CDS2: variants seen among roughly 807,000 people sequenced by gnomAD.
CDS2 encodes phosphatidate cytidylyltransferase 2.
Under a neutral mutation model 59.0 loss-of-function variants are expected in CDS2, and 47 were observed. The observed-to-expected ratio is 0.80, with a 90% CI of 0.63 to 1.02. CDS2 has a LOEUF of 1.02. Among genes scored for constraint, CDS2 ranks in the 50% least tolerant of loss-of-function variants. CDS2 has a pLI of 0.00. For missense variants in CDS2, 356 were observed against 558.9 expected, an observed-to-expected ratio of 0.64 and a Z score of 3.66; for synonymous variants, 207 against 206.4, an observed-to-expected ratio of 1.00 and a Z score of -0.02.
At chr20:5,165,549 T>C (rs1247200285) in intron 1 of CDS2, among the ~76,000 whole-genome samples, 2 of 118,598 alleles carry the variant, frequency 1.7e-5, no homozygotes. Flanking sequence ...CCGTCTTTTT[T>C]TGTTTTTTTG....
Position 5,191,588 on chromosome 20 carries a change from C to T in CDS2, c.*1354C>T, listed in dbSNP as rs1263480124. 6.6e-6 allele frequency: 1 copy of T among 152,180 alleles called. No individual in the cohort carries two copies. Among genetic ancestry groups the T allele is most frequent in the African/African-American group, 2.4e-5 (1 of 41,404 alleles). The allele number at this position is 152,180 out of a possible 1,614,324, so 9.4% of individuals were successfully genotyped here. Reference sequence around the variant, plus strand: ...CCAACGAGGGTGTAATGATTTGCTTCTGCACCTTGGTCTAGTGCTGGTTTG... The same window carrying T: ...CCAACGAGGGTGTAATGATTTGCTTTTGCACCTTGGTCTAGTGCTGGTTTG... On this transcript the variant is annotated 3_prime_UTR_variant, in exon 13 of 13. Transcript: ENST00000460006.
intron 1 of CDS2, among the ~76,000 whole-genome samples, chr20:5,149,874 C>T (rs1051404196): frequency 9.9e-5 from 15 of 152,110 alleles, no homozygotes; most frequent in African/African-American, 3.6e-4. Flanking sequence ...TGCCACCACG[C>T]CTGGCTAATT....
intron 2 of CDS2, among the ~76,000 whole-genome samples, chr20:5,174,815 G>A (rs2090982758): frequency 6.6e-6 from 1 of 152,090 alleles, no homozygotes; most frequent in Non-Finnish European, 1.5e-5. Context: ...GCAGTGCAGT[G>A]TAGGATCCTG....
At position 5,197,673 on chromosome 20, in the gene CDS2, G is replaced by C. The variant is rs960721874; in HGVS notation, c.*7439G>C. On this transcript the variant is annotated 3_prime_UTR_variant, in exon 13 of 13. Transcript: ENST00000460006. The stretch of plus-strand genomic sequence containing the variant: ...CCACAGCCTCCCCAGATAGCTGTGT[G>C]CCTGTGCGCTACTGCTGTGCCATTT... The C allele has an allele frequency of 6.6e-6, 1 of 152,156 alleles. No homozygotes were observed. The highest frequency in any genetic ancestry group is 2.4e-5 in the African/African-American group (1 of 41,402). The allele number at this position is 152,156 out of a possible 1,614,324, so 9.4% of individuals were successfully genotyped here.
intron 3 of CDS2, 44 bp from the exon 4 acceptor site, chr20:5,176,604 A>T: frequency 1.3e-6 from 2 of 1,502,296 alleles, no homozygotes; most frequent in Non-Finnish European, 1.9e-6. Context: ...CATTTCCAAA[A>T]ATCATAAGAA....
intron 1 of CDS2, among the ~76,000 whole-genome samples, chr20:5,142,518 A>T (rs886466701): frequency 6.6e-6 from 1 of 152,212 alleles, no homozygotes; most frequent in Non-Finnish European, 1.5e-5. Flanking sequence ...AACTGCAATA[A>T]AGAGAAAGAA....
intron 1 of CDS2, among the ~76,000 whole-genome samples, chr20:5,163,528 T>A (rs1345696834): frequency 3.3e-5 from 5 of 151,546 alleles, no homozygotes; most frequent in Admixed American, 3.3e-4. Context: ...CCCAAAGTGC[T>A]AGGATTATAG....
chr20:5,183,237 A>T lies in CDS2; in HGVS notation c.671+94A>T, dbSNP rs148576755. 77 of 1,010,738 alleles carry T rather than the reference A, an allele frequency of 7.6e-5. No individual in the cohort carries two copies. The African/African-American group carries it at 1.1e-3, about 15-fold the overall frequency. The allele number at this position is 1,010,738 out of a possible 1,614,324, so 62.6% of individuals were successfully genotyped here. A position where few individuals can be genotyped will look rare whatever the true frequency, so the allele number is the denominator to read the frequency against. ...AAGCCAGTGGCCCTCACCTTGAGCC[A>T]CATCAGAATCCTCTGCAGGGTTCAT... is the stretch of plus-strand genomic sequence containing the variant. On this transcript the variant is annotated intron_variant, in intron 7 of 12. Transcript: ENST00000460006.
intron 1 of CDS2, among the ~76,000 whole-genome samples, chr20:5,159,474 A>G (rs1244074316): frequency 6.6e-6 from 1 of 152,128 alleles, no homozygotes. Context: ...CAGTAATTTA[A>G]AAGTATATTA....
intron 1 of CDS2, 63 bp from the exon 2 acceptor site, chr20:5,173,460 A>G: frequency 1.3e-6 from 2 of 1,586,438 alleles, no homozygotes; most frequent in East Asian, 4.5e-5. Context: ...TGACAGGCAT[A>G]GACTTCTCAA....
At chr20:5,148,639 A>G (rs1444139637) in intron 1 of CDS2, among the ~76,000 whole-genome samples, 1 of 152,162 alleles carries the variant, frequency 6.6e-6, no homozygotes, top group Non-Finnish European at 1.5e-5. Context: ...TGAGGGTGGC[A>G]TGTAGATGCC....
chr20:5,139,872 C>T (rs1364479134), intron 1 of CDS2, among the ~76,000 whole-genome samples: 2 of 150,430 alleles, frequency 1.3e-5, no homozygotes, highest in East Asian at 2.0e-4. Context: ...GATCTCAGCT[C>T]GCTGCAACCT....
chr20:5,169,556 A>G (rs1277940118), intron 1 of CDS2, among the ~76,000 whole-genome samples: 7 of 151,900 alleles, frequency 4.6e-5, no homozygotes, highest in Admixed American at 1.3e-4. Flanking sequence ...TGAACAGGTA[A>G]CTCCTGGCCT....
chr20:5,186,943 C>G, intron 10 of CDS2, 104 bp downstream of exon 10: 1 of 1,311,236 alleles, frequency 7.6e-7, no homozygotes, highest in East Asian at 2.3e-5. Context: ...TTCCTCCTTC[C>G]CAAAGCTGTA....
intron 1 of CDS2, among the ~76,000 whole-genome samples, chr20:5,136,455 A>G (rs544253153): frequency 6.6e-6 from 1 of 152,174 alleles, no homozygotes; most frequent in Admixed American, 6.5e-5. Context: ...GCTCTTGGAG[A>G]CTTCAACATT....
intron 4 of CDS2, among the ~76,000 whole-genome samples, chr20:5,177,526 T>C (rs2091003368): frequency 6.6e-6 from 1 of 152,190 alleles, no homozygotes; most frequent in African/African-American, 2.4e-5. Context: ...CTTTCTGATC[T>C]GAAACTCTGC....
At position 5,197,282 on chromosome 20, in the gene CDS2, C is replaced by A. The variant is rs1294763102; in HGVS notation, c.*7048C>A. 2.1e-5 allele frequency: 3 copies of A among 144,674 alleles called. No individual in the cohort carries two copies. Among genetic ancestry groups the A allele is most frequent in the African/African-American group, 7.7e-5 (3 of 38,982 alleles). 9.0% of individuals were successfully genotyped at this position (144,674 alleles called of 1,614,324 possible). A position where few individuals can be genotyped will look rare whatever the true frequency, so the allele number is the denominator to read the frequency against. Reference sequence around the variant, plus strand: ...TTTTTTTGATCGAGCTGTGGACATCCTTCTTAATTCGATTCTGAGGATTTG... The same window carrying A: ...TTTTTTTGATCGAGCTGTGGACATCATTCTTAATTCGATTCTGAGGATTTG... On this transcript the variant is annotated 3_prime_UTR_variant, in exon 13 of 13. Transcript: ENST00000460006.
At chr20:5,136,615 C>T (rs1422096833) in intron 1 of CDS2, among the ~76,000 whole-genome samples, 1 of 152,172 alleles carries the variant, frequency 6.6e-6, no homozygotes, top group African/African-American at 2.4e-5. Context: ...ATTGAGCTCC[C>T]TCCTGTTAGG....
intron 1 of CDS2, among the ~76,000 whole-genome samples, chr20:5,152,390 C>G (rs1399952704): frequency 6.6e-6 from 1 of 152,242 alleles, no homozygotes; most frequent in East Asian, 1.9e-4. Context: ...TCCTGTTTAT[C>G]TTGGTGTACT....
Sources: allele counts gnomAD v4.1 joint callset (sites outside exome capture counted in the v4.1 genomes callset), GRCh38; gene constraint gnomAD v4.1.1; transcripts MANE v1.5; gene names NCBI Gene and HGNC (gene_info 2026-07-23, HGNC 2026-07-21).